Variants in GEMIN5 observed in about 807,000 individuals in gnomAD.
GEMIN5 encodes gem nuclear organelle associated protein 5, also known as gem-associated protein 5.
Under a neutral mutation model 176.9 loss-of-function variants are expected in GEMIN5, and 124 were observed. That is an observed-to-expected ratio of 0.70 (90% CI 0.61 to 0.81). The LOEUF is 0.81. Ranked by LOEUF, GEMIN5 falls within the 40% of genes least tolerant of loss-of-function variation. The pLI is 0.00. For missense variants in GEMIN5, 1,843 were observed against 1,814.6 expected (o/e 1.02, Z -0.28); for synonymous variants, 673 against 665.2 (o/e 1.01, Z -0.18).
intron 20 of GEMIN5, among the ~76,000 whole-genome samples, chr5:154,901,795 T>C (rs79672310): frequency 8.0e-5 from 12 of 149,524 alleles, no homozygotes; most frequent in African/African-American, 2.7e-4. Flanking sequence ...TTTTTTTTTT[T>C]CCCTTTCCTT....
At chr5:154,899,073 T>C (rs1763413498) in intron 22 of GEMIN5, 118 bp downstream of exon 22, 7 of 990,094 alleles carry the variant, frequency 7.1e-6, no homozygotes, top group African/African-American at 1.6e-5. Flanking sequence ...TACATATCTT[T>C]TAAATAATTC....
intron 6 of GEMIN5, among the ~76,000 whole-genome samples, chr5:154,927,960 C>A (rs1764081403): frequency 6.6e-6 from 1 of 151,332 alleles, no homozygotes; most frequent in Admixed American, 6.6e-5. Flanking sequence ...CACTGCACTC[C>A]AGCCTGGGTG....
chr5:154,925,754 A>C, intron 8 of GEMIN5, 108 bp downstream of exon 8: 3 of 647,300 alleles, frequency 4.6e-6, no homozygotes, highest in Non-Finnish European at 8.2e-6. Flanking sequence ...CATTGAAAAT[A>C]CTTTAAAACT....
intron 15 of GEMIN5, 105 bp from the exon 16 acceptor site, chr5:154,907,923 C>T: frequency 5.3e-6 from 4 of 752,678 alleles, no homozygotes. Context: ...GCATTTTTAC[C>T]CATTCCCTTT....
intron 24 of GEMIN5, among the ~76,000 whole-genome samples, chr5:154,893,687 C>G (rs1763288348): frequency 6.6e-6 from 1 of 152,214 alleles, no homozygotes; most frequent in Non-Finnish European, 1.5e-5. Context: ...AATGGAACCA[C>G]AGAGTATATA....
At position 154,935,813 on chromosome 5, in the gene GEMIN5, T is replaced by G. The variant is rs565289413; in HGVS notation, c.509+28A>C. 34 of 1,502,120 alleles carry G rather than the reference T, an allele frequency of 2.3e-5. No homozygotes were observed. The South Asian group carries it at 3.9e-4, about 17-fold the overall frequency. The allele number at this position is 1,502,120 out of a possible 1,614,324, so 93.0% of individuals were successfully genotyped here. ...AAACACGATCATAAACAAACAAAAA[T>G]CATCAATACAGATGGCATAGTACTT... On this transcript the variant is annotated intron_variant, in intron 3 of 27. Transcript: ENST00000285873.
rs542322342 is a variant in GEMIN5 at position 154,922,822 on chromosome 5, G to A, written c.1380-1397C>T. On this transcript the variant is annotated intron_variant, in intron 9 of 27. Coordinates refer to ENST00000285873, the MANE Select transcript of GEMIN5 (RefSeq NM_015465.5). ...AGCAATTCTCCTACCTCAGCCTCCCGAGTAGCTGAGAATACAGGCGCCCAC... is the reference window on the plus strand; with the variant it reads ...AGCAATTCTCCTACCTCAGCCTCCCAAGTAGCTGAGAATACAGGCGCCCAC... Among the ~76,000 whole-genome samples the A allele has an allele frequency of 4.7e-5, 7 of 147,932 alleles. No individual in the cohort carries two copies. The East Asian group carries it at 6.2e-4, about 13-fold the overall frequency.
Position 154,924,558 on chromosome 5 carries a change from C to CA in GEMIN5, c.1294-5dup, listed in dbSNP as rs762546192. The CA allele has an allele frequency of 9.2e-5, 145 of 1,584,666 alleles. No homozygotes were observed. Among genetic ancestry groups the CA allele is most frequent in the Non-Finnish European group, 1.0e-4 (121 of 1,160,008 alleles). On this transcript the variant is annotated splice_region_variant and splice_polypyrimidine_tract_variant and intron_variant, in intron 8 of 27. Transcript: ENST00000285873. The stretch of plus-strand genomic sequence containing the variant: ...CCTTGGTTGGGTGCCAGCACAGCTA[C>CA]AAAAAAAAGAGTTTCCAAGTGAGAA...
At chr5:154,905,497 GAA>G in intron 16 of GEMIN5, 21 bp from the exon 17 acceptor site, 1 of 1,147,858 alleles carries the variant, frequency 8.7e-7, no homozygotes, top group South Asian at 1.4e-5. Context: ...GGGGAAAAAG[GAA>G]AAAAAAAGTT....
chr5:154,935,346 G>C (rs1764245511), intron 3 of GEMIN5, among the ~76,000 whole-genome samples: 1 of 152,182 alleles, frequency 6.6e-6, no homozygotes, highest in Non-Finnish European at 1.5e-5. Context: ...AGAGAAAATA[G>C]ACATCTTTCA....
chr5:154,927,818 C>T (rs148666577), intron 6 of GEMIN5, among the ~76,000 whole-genome samples: 5 of 152,120 alleles, frequency 3.3e-5, no homozygotes, highest in East Asian at 1.9e-4. Context: ...AAAGTGAGAC[C>T]GTCCCTACAA....
Position 154,898,520 on chromosome 5 carries a change from G to C in GEMIN5, c.3265C>G (p.Leu1089Val), listed in dbSNP as rs199661588. 3 of 1,614,178 alleles carry C rather than the reference G, an allele frequency of 1.9e-6. No homozygotes were observed. The African/African-American group carries it at 4.0e-5, about 22-fold the overall frequency. ...GEDELSASLA[L>V]RCAQELLLAN... The stretch of plus-strand genomic sequence containing the variant: ...AGAAGCAGCTCTTGGGCACATCTGA[G>C]AGCCAGGGAAGCAGACAACTCATCC... Residue 1089 changes from leucine to valine, a missense_variant, in exon 23 of 28, where the codon CTC (leucine) becomes GTC (valine). Transcript: ENST00000285873.
chr5:154,912,415 T>C (rs1326118643), intron 14 of GEMIN5, among the ~76,000 whole-genome samples: 2 of 152,250 alleles, frequency 1.3e-5, no homozygotes, highest in South Asian at 2.1e-4. Flanking sequence ...CTAAGCGAGA[T>C]ACATCACAGA....
intron 3 of GEMIN5, 122 bp downstream of exon 3, chr5:154,935,719 G>A (rs1561732308): frequency 1.5e-6 from 1 of 662,450 alleles, no homozygotes; most frequent in Non-Finnish European, 2.6e-6. Flanking sequence ...GGGGCTCAGG[G>A]GGAGTGGTTA....
In GEMIN5 at chr5:154,911,880, C is replaced by T. The variant is rs748454410; in HGVS notation, c.2014G>A (p.Glu672Lys). Reference sequence around the variant, plus strand: ...CCTCGGAAATTGCACAGGGGCTCTTCCCGGAGAGCATCCCACACCTAAACC... The same window carrying T: ...CCTCGGAAATTGCACAGGGGCTCTTTCCGGAGAGCATCCCACACCTAAACC... ...GTAQVWDALR[E>K]EPLCNFRGHR... is the part of the protein sequence containing the mutation. Residue 672 changes from glutamate (E) to lysine (K), a missense_variant, in exon 15 of 28, where the codon GAA becomes AAA. Physicochemically the swap from Glu to Lys is moderately conservative, Grantham distance 56. Transcript: ENST00000285873. The T allele has an allele frequency of 4.3e-6, 7 of 1,613,922 alleles. No individual in the cohort carries two copies. The African/African-American group carries it at 9.3e-5, about 22-fold the overall frequency.
At chr5:154,905,906 A>T (rs1763558470) in intron 16 of GEMIN5, among the ~76,000 whole-genome samples, 1 of 151,816 alleles carries the variant, frequency 6.6e-6, no homozygotes, top group Non-Finnish European at 1.5e-5. Context: ...GGCCAGGGTG[A>T]TCTCAAACTC....
chr5:154,910,257 A>G (rs1763674313), intron 15 of GEMIN5, among the ~76,000 whole-genome samples: 2 of 151,898 alleles, frequency 1.3e-5, no homozygotes, highest in Non-Finnish European at 1.5e-5. Flanking sequence ...TGGACACATC[A>G]TTTCATTTCT....
At position 154,896,239 on chromosome 5, in the gene GEMIN5, C is replaced by T. The variant is rs756084059; in HGVS notation, c.3450G>A (p.Thr1150=). ...TCTCCACGAAAGGCCCTTCGGTGCC[C>T]GTGTTCCAAGTGTGGTAAGAGGAGG... ...KSSSSYHTWN[T]GTEGPFVERV... The change falls in exon 24 of 28, where the codon ACG becomes ACA. Residue 1150 remains threonine (T), a synonymous_variant. Transcript: ENST00000285873. 13 of 1,613,652 alleles carry T rather than the reference C, an allele frequency of 8.1e-6. No homozygotes were observed. The highest frequency in any genetic ancestry group is 1.6e-4 in the Middle Eastern group (1 of 6,082).
At chr5:154,915,577 C>T (rs1763793660) in intron 13 of GEMIN5, among the ~76,000 whole-genome samples, 1 of 152,182 alleles carries the variant, frequency 6.6e-6, no homozygotes, top group South Asian at 2.1e-4. Context: ...TGCAATTAGA[C>T]ACTCTAAGGT....
Sources: allele counts gnomAD v4.1 joint callset (sites outside exome capture counted in the v4.1 genomes callset), GRCh38; gene constraint gnomAD v4.1.1; transcripts MANE v1.5; gene names NCBI Gene and HGNC (gene_info 2026-07-23, HGNC 2026-07-21).